SPEG: variants seen among roughly 807,000 people sequenced by gnomAD.
SPEG encodes striated muscle preferentially expressed protein kinase.
SPEG carries 114 observed loss-of-function variants against 300.4 expected under a neutral mutation model. The observed-to-expected ratio is 0.38, with a 90% CI of 0.33 to 0.44. The LOEUF is 0.44. Ranked by LOEUF, SPEG falls within the 20% of genes least tolerant of loss-of-function variation. The probability of loss-of-function intolerance (pLI) is 1.00; values close to 1 mark genes in which losing one functional copy is unlikely to be tolerated. For synonymous variants in SPEG, 1,964 were observed against 2,018.9 expected, an observed-to-expected ratio of 0.97 and a Z score of 0.73; for missense variants, 4,201 against 4,586.2, an observed-to-expected ratio of 0.92 and a Z score of 2.43.
At chr2:219,450,605 A>G (rs1689668957) in intron 4 of SPEG, 1 of 152,294 alleles carries the variant, frequency 6.6e-6, no homozygotes, top group African/African-American at 2.4e-5. Flanking sequence ...AACGGATGAA[A>G]TCAAATCTGA....
intron 31 of SPEG, among the ~76,000 whole-genome samples, chr2:219,487,607 C>G (rs1020601332): frequency 8.5e-5 from 13 of 152,178 alleles, no homozygotes; most frequent in African/African-American, 3.1e-4. Context: ...ATACAGAAGA[C>G]CTACGACCCT....
Position 219,444,850 on chromosome 2 carries a change from C to T in SPEG, c.504C>T (p.Thr168=), listed in dbSNP as rs1448307294. 1 of 1,572,064 alleles carries T rather than the reference C, an allele frequency of 6.4e-7. No homozygotes were observed. The highest frequency in any genetic ancestry group is 8.6e-7 in the Non-Finnish European group (1 of 1,158,108). Residue 168 remains threonine, a synonymous_variant, in exon 3 of 41, where the codon ACC becomes ACT. Transcript: ENST00000312358. This position sits in a 1 kb window ranked among gnomAD's most constrained non-coding sequence, Gnocchi z 7.8. ...PTGGSDTLVG[T]SLDTPPTSVT... is the part of the protein sequence containing the mutation. The stretch of plus-strand genomic sequence containing the variant: ...GGGGTTCTGACACCCTGGTGGGCAC[C>T]TCCCTGGACACACCCCCGACCTCCG...
rs532463312 is a variant in SPEG, at chr2:219,461,109, A to G, written c.2441-773A>G. The G allele has an allele frequency of 1.6e-5, 14 of 891,486 alleles. No individual in the cohort carries two copies. In the South Asian group the frequency reaches 7.2e-4, roughly 46 times the overall value. 55.2% of individuals were successfully genotyped at this position (891,486 alleles called of 1,614,324 possible). The stretch of plus-strand genomic sequence containing the variant: ...TTGGCAGTCGGATAGGAGCCAGCTC[A>G]GCGAGACTGGGACCCTGGCCAGTTG... On this transcript the variant is annotated intron_variant, in intron 6 of 40. Transcript: ENST00000312358.
At chr2:219,455,085 C>T (rs1345542216) in intron 6 of SPEG, among the ~76,000 whole-genome samples, 3 of 152,204 alleles carry the variant, frequency 2.0e-5, no homozygotes, top group Non-Finnish European at 4.4e-5. Flanking sequence ...TAAAGTGAGA[C>T]TCTGTCTCAA....
chr2:219,483,413 C>A lies in SPEG; in HGVS notation c.5950C>A (p.Gln1984Lys). The stretch of plus-strand genomic sequence containing the variant: ...GCAGGGAAGGGCTCCCTCTCAGGAC[C>A]AGGAGGCTCCCAGCCCAGAGGCCCT... ...QEQGRAPSQD[Q>K]EAPSPEALPS... Residue 1984 changes from glutamine (Q) to lysine (K), a missense_variant, in exon 30 of 41, where the codon CAG (glutamine) becomes AAG (lysine). Physicochemically the swap from Gln to Lys is moderately conservative, Grantham distance 53 (BLOSUM62 1). Around this residue, in one of 4 missense-constraint regions of SPEG, gnomAD observed 1,578 missense variants for 1,506.0 expected, o/e 1.05. Coordinates refer to ENST00000312358, the MANE Select transcript of SPEG (RefSeq NM_005876.5). 1 of 1,584,160 alleles carries A rather than the reference C, an allele frequency of 6.3e-7. No individual in the cohort carries two copies. The highest frequency in any genetic ancestry group is 8.5e-7 in the Non-Finnish European group (1 of 1,171,644).
chr2:219,491,942 C>T lies in SPEG; in HGVS notation c.9461+73C>T, dbSNP rs924093344. On this transcript the variant is annotated intron_variant, in intron 39 of 40. Coordinates refer to ENST00000312358, the MANE Select transcript of SPEG (RefSeq NM_005876.5). The stretch of plus-strand genomic sequence containing the variant: ...CTCCCGGACTCACCTTCTGCCAACA[C>T]CCTCTCCCCCGTGCCCCACCTCCCC... The T allele has an allele frequency of 3.5e-6, 5 of 1,410,964 alleles. No individual in the cohort carries two copies. In the East Asian group the frequency reaches 7.2e-5, roughly 20 times the overall value. The allele number at this position is 1,410,964 out of a possible 1,614,324, so 87.4% of individuals were successfully genotyped here. A position where few individuals can be genotyped will look rare whatever the true frequency, so the allele number is the denominator to read the frequency against.
intron 1 of SPEG, chr2:219,442,088 G>C: frequency 1.7e-6 from 2 of 1,195,738 alleles, no homozygotes; most frequent in Non-Finnish European, 2.1e-6. Context: ...TTCCAGGTGA[G>C]GGCTCCGGGG....
In SPEG at chr2:219,468,704, C is replaced by T. The variant is rs547314352; in HGVS notation, c.3269C>T (p.Thr1090Ile). Residue 1090 changes from threonine (T) to isoleucine (I), a missense_variant, in exon 11 of 41, where the codon ACC (threonine) becomes ATC (isoleucine). This residue lies in a region of SPEG where 1,047 missense variants were observed against 1,356.8 expected (regional missense o/e 0.77). Coordinates refer to ENST00000312358, the MANE Select transcript of SPEG (RefSeq NM_005876.5). ...CGTTTCGACTGCAAGATCAGTGGCA[C>T]CCCGCCCCCTGTTGTTACCTGGACT... Reference protein sequence around the residue: ...AARFDCKISGTPPPVVTWTHF... With the variant: ...AARFDCKISGIPPPVVTWTHF... 3.7e-5 allele frequency: 60 copies of T among 1,614,168 alleles called. No individual in the cohort carries two copies. The South Asian group carries it at 4.2e-4, about 11-fold the overall frequency.
intron 22 of SPEG, 76 bp downstream of exon 22, chr2:219,478,181 T>C: frequency 7.7e-7 from 1 of 1,294,034 alleles, no homozygotes; most frequent in East Asian, 2.3e-5. Flanking sequence ...ATAGGCAACA[T>C]GTTTTACAGT....
Position 219,469,142 on chromosome 2 carries a change from G to A in SPEG, c.3492-14G>A. The A allele has an allele frequency of 6.2e-7, 1 of 1,613,460 alleles. No homozygotes were observed. Among genetic ancestry groups the A allele is most frequent in the South Asian group, 1.1e-5 (1 of 91,062 alleles). On this transcript the variant is annotated splice_polypyrimidine_tract_variant and intron_variant, in intron 12 of 40. Coordinates refer to ENST00000312358, the MANE Select transcript of SPEG (RefSeq NM_005876.5). ...CACGGCCCTGGGCCTGTGGGCAGCT[G>A]TGTGGTCTTGCAGCTCGAAGCTGGA...
rs757335180 is a variant in SPEG at position 219,465,922 on chromosome 2, TGCGCGCGTGTGC to T, written c.2882-1250_2882-1239del. 8.0e-5 allele frequency: 18 copies of T among 224,176 alleles called. 1 individual carries two copies. Among genetic ancestry groups the T allele is most frequent in the South Asian group, 1.9e-4 (3 of 16,126 alleles). The allele number at this position is 224,176 out of a possible 1,614,324, so 13.9% of individuals were successfully genotyped here. A position where few individuals can be genotyped will look rare whatever the true frequency, so the allele number is the denominator to read the frequency against. Reference sequence around the variant, plus strand: ...ATGGGTGTGTGCATGCGTGTGTGTGTGCGCGCGTGTGCGTGCACGTGTGCGTGCATGTGTGCG... The same window carrying T: ...ATGGGTGTGTGCATGCGTGTGTGTGTGTGCACGTGTGCGTGCATGTGTGCG... On this transcript the variant is annotated intron_variant, in intron 9 of 40. Coordinates refer to ENST00000312358, the MANE Select transcript of SPEG (RefSeq NM_005876.5).
chr2:219,490,393 T>C lies in SPEG; in HGVS notation c.8922-16T>C, dbSNP rs1575201231. On this transcript the variant is annotated splice_polypyrimidine_tract_variant and intron_variant, in intron 36 of 40. Coordinates refer to ENST00000312358, the MANE Select transcript of SPEG (RefSeq NM_005876.5). ...CTCTCCTCTGAGCCGGTGGTGTCCC[T>C]CCCCCCGACACACAGGGGCCGCTTT... The C allele has an allele frequency of 6.2e-7, 1 of 1,602,254 alleles. No individual in the cohort carries two copies. Among genetic ancestry groups the C allele is most frequent in the Non-Finnish European group, 8.5e-7 (1 of 1,174,112 alleles).
intron 30 of SPEG, 73 bp from the exon 31 acceptor site, chr2:219,485,273 G>C: frequency 6.5e-7 from 1 of 1,547,254 alleles, no homozygotes; most frequent in South Asian, 1.2e-5. Context: ...GGTTCTCTGG[G>C]CTGAGGGCTG....
chr2:219,435,234 C>T lies in SPEG; in HGVS notation c.257C>T (p.Pro86Leu), dbSNP rs1365650391. The T allele has an allele frequency of 8.1e-6, 12 of 1,476,452 alleles. No homozygotes were observed. In the East Asian group the frequency reaches 1.1e-4, roughly 14 times the overall value. The allele number at this position is 1,476,452 out of a possible 1,614,324, so 91.5% of individuals were successfully genotyped here. Reference sequence around the variant, plus strand: ...CGGGATGGGCAGCTCCTGCCCGCGCCGGCCCCCGAGCCCAGCTGCCTGTGG... The same window carrying T: ...CGGGATGGGCAGCTCCTGCCCGCGCTGGCCCCCGAGCCCAGCTGCCTGTGG... Reference protein sequence around the residue: ...WFRDGQLLPAPAPEPSCLWLR... With the variant: ...WFRDGQLLPALAPEPSCLWLR... Residue 86 changes from proline (P) to leucine (L), a missense_variant, in exon 1 of 41, where the codon CCG (proline) becomes CTG (leucine). Coordinates refer to ENST00000312358, the MANE Select transcript of SPEG (RefSeq NM_005876.5).
Position 219,484,927 on chromosome 2 carries a change from C to G in SPEG, c.7464C>G (p.Phe2488Leu). The stretch of plus-strand genomic sequence containing the variant: ...CGTCGGGCCGCAGCACGCCGCTGTT[C>G]GGACGGCTTCGCAGGGCCACGTCCG... ...GGASGRSTPL[F>L]GRLRRATSEG... is the part of the protein sequence containing the mutation. Residue 2488 changes from phenylalanine to leucine, a missense_variant, in exon 30 of 41, where the codon TTC becomes TTG. Around this residue, in one of 4 missense-constraint regions of SPEG, gnomAD observed 1,578 missense variants for 1,506.0 expected, o/e 1.05. Transcript: ENST00000312358. The G allele has an allele frequency of 1.3e-6, 2 of 1,528,926 alleles. No homozygotes were observed. The highest frequency in any genetic ancestry group is 1.7e-6 in the Non-Finnish European group (2 of 1,144,498). 94.7% of individuals were successfully genotyped at this position (1,528,926 alleles called of 1,614,324 possible).
In SPEG at chr2:219,464,170, A is replaced by G. The variant is rs1691032198; in HGVS notation, c.2706-263A>G. Reference sequence around the variant, plus strand: ...AAAAAGAGCTAAATAGCACGGCTCCACTCTGAATGCAGCAGGGTTCCGAGA... The same window carrying G: ...AAAAAGAGCTAAATAGCACGGCTCCGCTCTGAATGCAGCAGGGTTCCGAGA... On this transcript the variant is annotated intron_variant, in intron 8 of 40. Transcript: ENST00000312358. This position sits in a 1 kb window ranked among gnomAD's most constrained non-coding sequence, Gnocchi z 4.5. Among the ~76,000 whole-genome samples the G allele has an allele frequency of 6.6e-6, 1 of 151,454 alleles. No individual in the cohort carries two copies. Among genetic ancestry groups the G allele is most frequent in the Non-Finnish European group, 1.5e-5 (1 of 67,874 alleles).
chr2:219,466,880 T>TC (rs1169528163), intron 9 of SPEG: 1 of 1,222,926 alleles, frequency 8.2e-7, no homozygotes, highest in East Asian at 3.4e-5. Flanking sequence ...TGTTGTGTTT[T>TC]TTTTTCCCCC....
Position 219,464,549 on chromosome 2 carries a change from C to T in SPEG, c.2822C>T (p.Thr941Ile), listed in dbSNP as rs1691077758. ...AAERGDAGFY[T>I]CKAVNEYGAR... is the part of the protein sequence containing the mutation. The stretch of plus-strand genomic sequence containing the variant: ...GAGCGTGGCGATGCTGGTTTCTACA[C>T]TTGCAAAGCGGTCAATGAGTATGGT... Residue 941 changes from threonine (T) to isoleucine (I), a missense_variant, in exon 9 of 41, where the codon ACT (threonine) becomes ATT (isoleucine). Transcript: ENST00000312358. The surrounding 1 kb of genome is among the most constrained non-coding windows in gnomAD (Gnocchi z 4.5). 6.2e-7 allele frequency: 1 copy of T among 1,614,274 alleles called. No homozygotes were observed. Among genetic ancestry groups the T allele is most frequent in the Non-Finnish European group, 8.5e-7 (1 of 1,180,042 alleles).
At position 219,484,969 on chromosome 2, in the gene SPEG, G is replaced by C; in HGVS notation, c.7506G>C (p.Arg2502=). Residue 2502 remains arginine (R), a synonymous_variant, in exon 30 of 41, where the codon CGG becomes CGC. Coordinates refer to ENST00000312358, the MANE Select transcript of SPEG (RefSeq NM_005876.5). ...CCACGTCCGAGGGCGAGAGTCTGCGGCGCCTTGGCCTTCCGCACAACCAGT... is the reference window on the plus strand; with the variant it reads ...CCACGTCCGAGGGCGAGAGTCTGCGCCGCCTTGGCCTTCCGCACAACCAGT... ...RRATSEGESL[R]RLGLPHNQLA... is the part of the protein sequence containing the mutation. 2 of 1,529,718 alleles carry C rather than the reference G, an allele frequency of 1.3e-6. No homozygotes were observed. The highest frequency in any genetic ancestry group is 1.7e-6 in the Non-Finnish European group (2 of 1,144,238). The allele number at this position is 1,529,718 out of a possible 1,614,324, so 94.8% of individuals were successfully genotyped here.
Sources: allele counts gnomAD v4.1 joint callset (sites outside exome capture counted in the v4.1 genomes callset), GRCh38; gene constraint gnomAD v4.1.1; regional missense constraint gnomAD v4.1.1; non-coding constraint Gnocchi (gnomAD v3.1); transcripts MANE v1.5; gene names NCBI Gene and HGNC (gene_info 2026-07-23, HGNC 2026-07-21).